The following TRDN variants were observed in gnomAD, a reference collection of about 807,000 sequenced individuals.
The protein encoded by TRDN is triadin, also known as triadin in skeletal muscle.
A neutral mutation model predicts 149.7 loss-of-function variants in TRDN; 161 were observed. The observed-to-expected ratio is 1.08, with a 90% confidence interval of 0.95 to 1.23. TRDN has a LOEUF of 1.23. Among genes scored for constraint, TRDN ranks in the 50% most tolerant of loss-of-function variants. The pLI, the probability that TRDN is intolerant of heterozygous loss-of-function variation, is 0.00. For missense variants in TRDN, 896 were observed against 823.5 expected, an observed-to-expected ratio of 1.09 and a Z score of -1.08; for synonymous variants, 294 against 250.5, an observed-to-expected ratio of 1.17 and a Z score of -1.64.
intron 16 of TRDN, 42 bp downstream of exon 16, chr6:123,381,327 GT>G: frequency 2.7e-6 from 4 of 1,498,512 alleles, no homozygotes; most frequent in South Asian, 1.2e-5. Context: ...AATAATAGTA[GT>G]AAAAAAAAAA....
intron 1 of TRDN, among the ~76,000 whole-genome samples, chr6:123,589,054 AG>A (rs1783655292): frequency 1.3e-5 from 2 of 152,186 alleles, no homozygotes; most frequent in South Asian, 4.1e-4. Context: ...TAAATTTGAC[AG>A]GTTGAATCAG....
At chr6:123,586,943 G>T (rs1783522187) in intron 1 of TRDN, among the ~76,000 whole-genome samples, 1 of 151,996 alleles carries the variant, frequency 6.6e-6, no homozygotes, top group South Asian at 2.1e-4. Flanking sequence ...ATGGATTGGG[G>T]TACAGCGATA....
At chr6:123,362,392 C>T (rs988686224) in intron 20 of TRDN, among the ~76,000 whole-genome samples, 3 of 152,110 alleles carry the variant, frequency 2.0e-5, no homozygotes, top group Admixed American at 2.0e-4. Context: ...TCCCTAATTG[C>T]CCATGGAATA....
chr6:123,352,731 T>C (rs1021851020), intron 20 of TRDN, 145 bp from the exon 21 acceptor site: 16 of 1,159,194 alleles, frequency 1.4e-5, no homozygotes, highest in Non-Finnish European at 1.9e-5. Flanking sequence ...CTCATTTCTC[T>C]ATAACGCAAT....
At chr6:123,472,561 G>C (rs924218267) in intron 9 of TRDN, among the ~76,000 whole-genome samples, 1 of 152,214 alleles carries the variant, frequency 6.6e-6, no homozygotes, top group Non-Finnish European at 1.5e-5. Flanking sequence ...CGGGAAGCTC[G>C]AACTGGGTGG....
chr6:123,409,242 T>C (rs9490744), intron 12 of TRDN, among the ~76,000 whole-genome samples: 28,973 of 152,194 alleles, frequency 0.19, 3,815 homozygotes, highest in East Asian at 0.64. Flanking sequence ...ACAGTACTTA[T>C]GTAGAATATT....
chr6:123,529,340 A>G (rs1336990154), intron 5 of TRDN: 1 of 1,548,424 alleles, frequency 6.5e-7, no homozygotes. Flanking sequence ...GAGAACAGTA[A>G]GGAGACATTA....
intron 1 of TRDN, among the ~76,000 whole-genome samples, chr6:123,612,248 A>G (rs550092653): frequency 9.6e-6 from 1 of 103,944 alleles, no homozygotes; most frequent in African/African-American, 3.8e-5. Context: ...TACAGAAAAA[A>G]AAAAGTTATC....
intron 1 of TRDN, among the ~76,000 whole-genome samples, chr6:123,600,778 G>T (rs370999397): frequency 1.3e-5 from 2 of 152,020 alleles, no homozygotes; most frequent in Non-Finnish European, 2.9e-5. Flanking sequence ...GTTGAGAGAC[G>T]TTCATAAGTA....
At chr6:123,497,082 A>T in intron 9 of TRDN, 111 bp downstream of exon 9, 1 of 746,492 alleles carries the variant, frequency 1.3e-6, no homozygotes, top group Non-Finnish European at 2.1e-6. Context: ...AGATCTACAC[A>T]TGCATTATGC....
At chr6:123,368,967 A>G (rs1781220378) in intron 19 of TRDN, among the ~76,000 whole-genome samples, 1 of 152,154 alleles carries the variant, frequency 6.6e-6, no homozygotes, top group South Asian at 2.1e-4. Context: ...TTAATTTCCT[A>G]GGACTGCCTT....
chr6:123,450,816 C>CAATATCTT (rs1562320484), intron 10 of TRDN, among the ~76,000 whole-genome samples: 43 of 151,852 alleles, frequency 2.8e-4, no homozygotes, highest in African/African-American at 1.0e-3. Context: ...CAATAGTGCA[C>CAATATCTT]GGAACTTTCT....
intron 9 of TRDN, among the ~76,000 whole-genome samples, chr6:123,465,359 A>C (rs1264140379): frequency 6.6e-6 from 1 of 152,086 alleles, no homozygotes; most frequent in Non-Finnish European, 1.5e-5. Flanking sequence ...ATATAAAATT[A>C]ATCACTATTT....
chr6:123,495,348 G>A (rs1433766470), intron 9 of TRDN, among the ~76,000 whole-genome samples: 1 of 151,042 alleles, frequency 6.6e-6, no homozygotes, highest in South Asian at 2.1e-4. Flanking sequence ...GTGAAACCCC[G>A]TCTCTACTAA....
At chr6:123,565,441 C>T (rs1374720785) in intron 2 of TRDN, among the ~76,000 whole-genome samples, 2 of 152,240 alleles carry the variant, frequency 1.3e-5, no homozygotes, top group East Asian at 1.9e-4. Flanking sequence ...TAATTGCTCC[C>T]CATTTCACTC....
chr6:123,368,129 A>C (rs1781184681), intron 19 of TRDN, among the ~76,000 whole-genome samples: 1 of 152,198 alleles, frequency 6.6e-6, no homozygotes, highest in Admixed American at 6.5e-5. Context: ...TCTAAAATGG[A>C]GAATGCTTGT....
chr6:123,545,463 T>C (rs541694349), intron 4 of TRDN, among the ~76,000 whole-genome samples: 18 of 151,986 alleles, frequency 1.2e-4, no homozygotes, highest in Non-Finnish European at 1.8e-4. Context: ...TACAATGAAA[T>C]AGATCTTCTT....
Position 123,589,426 on chromosome 6 carries a change from T to A in TRDN, c.23-18294A>T, listed in dbSNP as rs1256659661. ...CTCCTACTAAATTGTCCCATTGTCA[T>A]TGAATTGCAAACCCACTGAAACAGA... On this transcript the variant is annotated intron_variant, in intron 1 of 40. Coordinates refer to ENST00000334268, the MANE Select transcript of TRDN (RefSeq NM_006073.4). Among the ~76,000 whole-genome samples, 3 of 152,190 alleles carry A rather than the reference T, an allele frequency of 2.0e-5. No individual in the cohort carries two copies. In the East Asian group the frequency reaches 5.8e-4, roughly 29 times the overall value.
At position 123,515,772 on chromosome 6, in the gene TRDN, T is replaced by A. The variant is rs528635834; in HGVS notation, c.550+369A>T. On this transcript the variant is annotated intron_variant, in intron 6 of 40. Transcript: ENST00000334268. ...TACATAAATAAATAACAATTAGAAA[T>A]TAAAGCAATCTAATAGATAATCAAA... 1.7e-3 allele frequency among the ~76,000 whole-genome samples: 264 copies of A among 152,186 alleles called. 2 individuals are homozygous for A. Among genetic ancestry groups the A allele is most frequent in the Non-Finnish European group, 2.7e-3 (183 of 67,996 alleles).
Sources: gnomAD v4.1 joint callset for allele counts (sites outside exome capture counted in the v4.1 genomes callset) on GRCh38, gnomAD v4.1.1 for gene constraint, MANE v1.5 for transcripts, NCBI Gene and HGNC (gene_info 2026-07-23, HGNC 2026-07-21) for gene names.